The following RGS10 variants were observed in gnomAD, a reference collection of about 807,000 sequenced individuals.
RGS10 encodes the protein regulator of G-protein signalling 10.
In RGS10, 11 loss-of-function variants were observed where a neutral mutation model predicts 23.5. The ratio of observed to expected loss-of-function variants is 0.47; its 90% CI spans 0.29 to 0.77. The LOEUF (loss-of-function observed/expected upper bound fraction) is 0.77. RGS10 is among the 30% of genes least tolerant of loss of function. The pLI, the probability that RGS10 is intolerant of heterozygous loss-of-function variation, is 0.08. For synonymous variants in RGS10, 77 were observed against 83.2 expected, an observed-to-expected ratio of 0.92 and a Z score of 0.41; for missense variants, 180 against 226.3, an observed-to-expected ratio of 0.80 and a Z score of 1.31.
At chr10:119,506,411 CA>C (rs1166529756) in intron 4 of RGS10, among the ~76,000 whole-genome samples, 2 of 152,248 alleles carry the variant, frequency 1.3e-5, no homozygotes, top group African/African-American at 4.8e-5. Context: ...GACAGTGTGC[CA>C]GGGGTGGGAT....
chr10:119,511,664 T>A (rs1416618511), intron 4 of RGS10, among the ~76,000 whole-genome samples: 1 of 152,066 alleles, frequency 6.6e-6, no homozygotes, highest in East Asian at 1.9e-4. Context: ...AATAATGCAC[T>A]CTTCACATAA....
chr10:119,529,305 G>A (rs941939777), intron 1 of RGS10, among the ~76,000 whole-genome samples: 8 of 151,908 alleles, frequency 5.3e-5, no homozygotes, highest in Non-Finnish European at 7.4e-5. Flanking sequence ...ATAAAAAAAA[G>A]TAGCTGGGTG....
At position 119,538,650 on chromosome 10, in the gene RGS10, G is replaced by A. The variant is rs1844410557; in HGVS notation, c.49+3940C>T. 6.6e-6 allele frequency among the ~76,000 whole-genome samples: 1 copy of A among 151,398 alleles called. No individual in the cohort carries two copies. The highest frequency in any genetic ancestry group is 6.6e-5 in the Admixed American group (1 of 15,244). On this transcript the variant is annotated intron_variant, in intron 1 of 4. Transcript: ENST00000369103. This position sits in a 1 kb window ranked among gnomAD's most constrained non-coding sequence, Gnocchi z 4.5. ...GGTGGACCTGAGGGAGCTTAGCAGG[G>A]CTCTTGACAGATGGGAACTTGCTTG...
At chr10:119,515,712 C>G (rs1844134781) in intron 3 of RGS10, 60 bp from the exon 4 acceptor site, 1 of 1,594,612 alleles carries the variant, frequency 6.3e-7, no homozygotes, top group South Asian at 1.1e-5. Flanking sequence ...GGCCTGAGCC[C>G]TGCTCTCCCC....
chr10:119,540,401 T>C (rs3009924), intron 1 of RGS10, among the ~76,000 whole-genome samples: 150,545 of 152,290 alleles, frequency 0.99, 74,435 homozygotes, highest in Middle Eastern at 1. Flanking sequence ...CAGGCACGCA[T>C]CACCATGCCT....
chr10:119,532,646 C>T (rs563131019), intron 1 of RGS10, among the ~76,000 whole-genome samples: 10 of 152,266 alleles, frequency 6.6e-5, no homozygotes, highest in Admixed American at 1.3e-4. Flanking sequence ...TCGAGATCAG[C>T]CTGGCCAACA....
At chr10:119,511,457 A>G (rs1188493632) in intron 4 of RGS10, among the ~76,000 whole-genome samples, 2 of 152,110 alleles carry the variant, frequency 1.3e-5, no homozygotes, top group Non-Finnish European at 1.5e-5. Context: ...CATCTCTACT[A>G]AAAATACAAA....
Position 119,538,299 on chromosome 10 carries a change from T to C in RGS10, c.49+4291A>G, listed in dbSNP as rs1844407953. On this transcript the variant is annotated intron_variant, in intron 1 of 4. Transcript: ENST00000369103. The surrounding 1 kb of genome is among the most constrained non-coding windows in gnomAD (Gnocchi z 4.5). ...ACTTGGGTCCAAGACTTGAGTTCTC[T>C]GCCCCTTCAGAAATGGGTGCCTCCG... Among the ~76,000 whole-genome samples the C allele has an allele frequency of 1.3e-5, 2 of 152,344 alleles. No individual in the cohort carries two copies. Among genetic ancestry groups the C allele is most frequent in the South Asian group, 2.1e-4 (1 of 4,830 alleles).
At chr10:119,506,122 G>T (rs1844010071) in intron 4 of RGS10, among the ~76,000 whole-genome samples, 1 of 152,220 alleles carries the variant, frequency 6.6e-6, no homozygotes, top group Non-Finnish European at 1.5e-5. Flanking sequence ...AAGAAAGGAA[G>T]CTCCTGTCCC....
intron 3 of RGS10, among the ~76,000 whole-genome samples, chr10:119,519,225 C>T (rs1844181546): frequency 6.6e-6 from 1 of 152,190 alleles, no homozygotes; most frequent in African/African-American, 2.4e-5. Flanking sequence ...TCCCGCTTCC[C>T]TCACCTTGTA....
chr10:119,513,280 A>G (rs1302713823), intron 4 of RGS10, among the ~76,000 whole-genome samples: 1 of 152,020 alleles, frequency 6.6e-6, no homozygotes, highest in Admixed American at 6.6e-5. Flanking sequence ...CAACATAGCG[A>G]AAGTTCATCT....
chr10:119,539,959 C>CA lies in RGS10; in HGVS notation c.49+2630dup, dbSNP rs5788358. On this transcript the variant is annotated intron_variant, in intron 1 of 4. Coordinates refer to ENST00000369103, the MANE Select transcript of RGS10 (RefSeq NM_001005339.2). Reference sequence around the variant, plus strand: ...CTTTAAGAAAAATAATTCAAAATTACAAAAAAAAAAAAAAAATTAAGTACA... The same window carrying CA: ...CTTTAAGAAAAATAATTCAAAATTACAAAAAAAAAAAAAAAAATTAAGTACA... 3.3e-3 allele frequency among the ~76,000 whole-genome samples: 476 copies of CA among 143,500 alleles called. 1 individual carries two copies. Among genetic ancestry groups the CA allele is most frequent in the South Asian group, 0.017 (79 of 4,530 alleles). The allele number at this position is 143,500 out of a possible 152,430, so 94.1% of individuals were successfully genotyped here. A position where few individuals can be genotyped will look rare whatever the true frequency, so the allele number is the denominator to read the frequency against.
At chr10:119,506,772 C>A (rs1844017797) in intron 4 of RGS10, among the ~76,000 whole-genome samples, 1 of 152,202 alleles carries the variant, frequency 6.6e-6, no homozygotes, top group Non-Finnish European at 1.5e-5. Flanking sequence ...GCGATCTCAG[C>A]TCACCGCAAC....
rs915907133 is a variant in RGS10 at position 119,515,635 on chromosome 10, C to T, written c.273G>A (p.Lys91=). ...QDKTQMQEKA[K]EIYMTFLSSK... ...TGGACAGAAAGGTCATGTAGATCTCCTTTGCCTTTTCCTGCATCTGGAGGA... is the reference window on the plus strand; with the variant it reads ...TGGACAGAAAGGTCATGTAGATCTCTTTTGCCTTTTCCTGCATCTGGAGGA... Residue 91 remains lysine, a synonymous_variant, in exon 4 of 5, where the codon AAG becomes AAA. Coordinates refer to ENST00000369103, the MANE Select transcript of RGS10 (RefSeq NM_001005339.2). 4 of 1,612,130 alleles carry T rather than the reference C, an allele frequency of 2.5e-6. No individual in the cohort carries two copies. The African/African-American group carries it at 4.0e-5, about 16-fold the overall frequency.
intron 3 of RGS10, among the ~76,000 whole-genome samples, chr10:119,521,845 G>T (rs1422445014): frequency 6.6e-6 from 1 of 152,062 alleles, no homozygotes; most frequent in African/African-American, 2.4e-5. Context: ...TGCTCTGTCA[G>T]ATTATCAGTG....
intron 1 of RGS10, 139 bp downstream of exon 1, chr10:119,542,451 G>T: frequency 1.5e-6 from 1 of 647,942 alleles, no homozygotes; most frequent in Non-Finnish European, 2.3e-6. Flanking sequence ...TACCCAGCGG[G>T]GAGAGGTGGT....
chr10:119,532,611 A>G (rs10787976), intron 1 of RGS10, among the ~76,000 whole-genome samples: 141,783 of 152,204 alleles, frequency 0.93, 66,132 homozygotes, highest in African/African-American at 0.98. Context: ...GGAGGACGAG[A>G]TGGGCAGATC....
intron 3 of RGS10, among the ~76,000 whole-genome samples, chr10:119,522,791 GT>G (rs1478997166): frequency 6.7e-6 from 1 of 150,260 alleles, no homozygotes; most frequent in Non-Finnish European, 1.5e-5. Context: ...CACACTTTTT[GT>G]AGTAATTTAG....
chr10:119,504,649 A>C (rs746839745), intron 4 of RGS10, among the ~76,000 whole-genome samples: 29 of 152,202 alleles, frequency 1.9e-4, no homozygotes, highest in Non-Finnish European at 3.7e-4. Context: ...ATCATACTGC[A>C]TTTAGGGTAG....
Sources: allele counts gnomAD v4.1 joint callset (sites outside exome capture counted in the v4.1 genomes callset), GRCh38; gene constraint gnomAD v4.1.1; non-coding constraint Gnocchi (gnomAD v3.1); transcripts MANE v1.5; gene names NCBI Gene and HGNC (gene_info 2026-07-23, HGNC 2026-07-21).